NUAK1: variants seen among roughly 807,000 people sequenced by gnomAD.
NUAK1 encodes the protein NUAK family SNF1-like kinase 1.
NUAK1 carries 26 observed loss-of-function variants against 56.9 expected under a neutral mutation model. The ratio of observed to expected loss-of-function variants is 0.46; its 90% CI spans 0.33 to 0.63. The LOEUF (loss-of-function observed/expected upper bound fraction) is 0.63, where lower values mean the gene tolerates loss of function less well. Among genes scored for constraint, NUAK1 ranks in the 30% least tolerant of loss-of-function variants. The pLI, the probability that NUAK1 is intolerant of heterozygous loss-of-function variation, is 0.02. For missense variants in NUAK1, 727 were observed against 876.1 expected (o/e 0.83, Z 2.15); for synonymous variants, 337 against 336.0 (o/e 1.00, Z -0.03).
chr12:106,133,407 A>T (rs1174859985), intron 1 of NUAK1, among the ~76,000 whole-genome samples: 16 of 152,148 alleles, frequency 1.1e-4, no homozygotes, highest in Admixed American at 1.0e-3. Flanking sequence ...ACCATTAGCA[A>T]AGAACCACAC....
At chr12:106,079,484 G>T (rs763201781) in intron 4 of NUAK1, among the ~76,000 whole-genome samples, 1 of 152,146 alleles carries the variant, frequency 6.6e-6, no homozygotes, top group African/African-American at 2.4e-5. Context: ...ATCAGGGAAG[G>T]CTTCCTGGAA....
At chr12:106,123,866 C>G (rs944932617) in intron 1 of NUAK1, among the ~76,000 whole-genome samples, 1 of 152,098 alleles carries the variant, frequency 6.6e-6, no homozygotes, top group South Asian at 2.1e-4. Flanking sequence ...CCACTGGGCC[C>G]GAGACACTGC....
intron 2 of NUAK1, chr12:106,106,085 A>G: frequency 4.8e-6 from 1 of 208,656 alleles, no homozygotes; most frequent in Non-Finnish European, 9.6e-6. Context: ...TTGGTCACCC[A>G]GCAAACTGTC....
At chr12:106,107,459 C>G (rs1446824951) in intron 1 of NUAK1, among the ~76,000 whole-genome samples, 1 of 152,204 alleles carries the variant, frequency 6.6e-6, no homozygotes, top group Non-Finnish European at 1.5e-5. Context: ...GCCCACCAAT[C>G]AATTTGCTGC....
intron 6 of NUAK1, among the ~76,000 whole-genome samples, chr12:106,069,131 TAG>T (rs1230878753): frequency 6.6e-6 from 1 of 152,194 alleles, no homozygotes; most frequent in Non-Finnish European, 1.5e-5. Context: ...TGATTATCCA[TAG>T]AGTCTGTATT....
chr12:106,088,245 T>A (rs1187390551), intron 2 of NUAK1, among the ~76,000 whole-genome samples: 1 of 152,192 alleles, frequency 6.6e-6, no homozygotes, highest in Non-Finnish European at 1.5e-5. Flanking sequence ...AAATCCATCA[T>A]CACTCTTAAG....
Position 106,067,504 on chromosome 12 carries a change from A to C in NUAK1, c.1284T>G (p.Thr428=). Residue 428 remains threonine (T), a synonymous_variant, in exon 7 of 7, where the codon ACT becomes ACG. Transcript: ENST00000261402. This position sits in a 1 kb window ranked among gnomAD's most constrained non-coding sequence, Gnocchi z 6.0. The part of the protein sequence containing the change: ...EGVVGPALPS[T]FKMEQDLCRT... ...TGCACAAGTCCTGCTCCATCTTGAA[A>C]GTAGAGGGTAAGGCAGGACCAACTA... 6.2e-7 allele frequency: 1 copy of C among 1,614,168 alleles called. No individual in the cohort carries two copies. The highest frequency in any genetic ancestry group is 8.5e-7 in the Non-Finnish European group (1 of 1,180,020).
intron 2 of NUAK1, among the ~76,000 whole-genome samples, chr12:106,098,589 T>C (rs143317578): frequency 6.6e-6 from 1 of 152,248 alleles, no homozygotes; most frequent in African/African-American, 2.4e-5. Flanking sequence ...CATAAAGAGA[T>C]GCAATCTTGC....
At chr12:106,075,286 AACACACAC>A (rs370123170) in intron 4 of NUAK1, among the ~76,000 whole-genome samples, 25 of 134,008 alleles carry the variant, frequency 1.9e-4, no homozygotes, top group African/African-American at 6.5e-4. Flanking sequence ...AGTATTAATC[AACACACAC>A]ACACACACAC....
chr12:106,096,302 A>C (rs1036068713), intron 2 of NUAK1, among the ~76,000 whole-genome samples: 1 of 152,148 alleles, frequency 6.6e-6, no homozygotes, highest in Non-Finnish European at 1.5e-5. Flanking sequence ...TCTGATCTCC[A>C]GCCTCTAGAA....
In NUAK1 at chr12:106,074,101, C is replaced by G. The variant is rs565193221; in HGVS notation, c.580-1258G>C. ...CTTTCCCTACCAGACTCTGAGTTTCCTGAGGCAGTTGGCAGGTTCCACATC... is the reference window on the plus strand; with the variant it reads ...CTTTCCCTACCAGACTCTGAGTTTCGTGAGGCAGTTGGCAGGTTCCACATC... On this transcript the variant is annotated intron_variant, in intron 4 of 6. Transcript: ENST00000261402. 2.2e-4 allele frequency among the ~76,000 whole-genome samples: 33 copies of G among 152,214 alleles called. No individual in the cohort carries two copies. In the South Asian group the frequency reaches 6.6e-3, roughly 31 times the overall value.
chr12:106,067,990 T>A lies in NUAK1; in HGVS notation c.833-35A>T. The A allele has an allele frequency of 1.3e-6, 2 of 1,560,784 alleles. No homozygotes were observed. Among genetic ancestry groups the A allele is most frequent in the Non-Finnish European group, 1.7e-6 (2 of 1,151,766 alleles). Reference sequence around the variant, plus strand: ...AAGGGACAAAAAGAATCGGGCATTATGTGGGAGCTTCTGGCTTTGTGATAG... The same window carrying A: ...AAGGGACAAAAAGAATCGGGCATTAAGTGGGAGCTTCTGGCTTTGTGATAG... On this transcript the variant is annotated intron_variant, in intron 6 of 6. Transcript: ENST00000261402. This position sits in a 1 kb window ranked among gnomAD's most constrained non-coding sequence, Gnocchi z 6.0.
At chr12:106,080,385 T>A (rs1042455949) in intron 4 of NUAK1, among the ~76,000 whole-genome samples, 1 of 152,200 alleles carries the variant, frequency 6.6e-6, no homozygotes, top group Non-Finnish European at 1.5e-5. Flanking sequence ...TCTATGGGAA[T>A]TGTCAGCATT....
chr12:106,120,614 A>G (rs1394624809), intron 1 of NUAK1, among the ~76,000 whole-genome samples: 1 of 152,116 alleles, frequency 6.6e-6, no homozygotes, highest in African/African-American at 2.4e-5. Context: ...CTCCAAATGT[A>G]CTTCTGTAGT....
chr12:106,100,735 T>C (rs905229914), intron 2 of NUAK1, among the ~76,000 whole-genome samples: 1 of 152,242 alleles, frequency 6.6e-6, no homozygotes, highest in African/African-American at 2.4e-5. Context: ...CTCAAGATGA[T>C]GGCTTCCTTT....
At chr12:106,089,250 C>G (rs1461947631) in intron 2 of NUAK1, among the ~76,000 whole-genome samples, 1 of 152,216 alleles carries the variant, frequency 6.6e-6, no homozygotes, top group African/African-American at 2.4e-5. Flanking sequence ...AAGACTCACA[C>G]CCCAAAGAGT....
chr12:106,137,753 T>C (rs1191537230), intron 1 of NUAK1, among the ~76,000 whole-genome samples: 2 of 152,232 alleles, frequency 1.3e-5, no homozygotes, highest in Non-Finnish European at 2.9e-5. Flanking sequence ...CACAGCTATC[T>C]CTGTAGCTAC....
chr12:106,072,473 A>C (rs2032415898), intron 5 of NUAK1, among the ~76,000 whole-genome samples: 1 of 152,194 alleles, frequency 6.6e-6, no homozygotes, highest in South Asian at 2.1e-4. Flanking sequence ...AAAAGTCACT[A>C]GAGTTTTAAG....
chr12:106,085,599 C>T (rs1565920824), intron 3 of NUAK1, among the ~76,000 whole-genome samples: 1 of 152,100 alleles, frequency 6.6e-6, no homozygotes, highest in Non-Finnish European at 1.5e-5. Flanking sequence ...AAATTCATGG[C>T]CAAAGTGATG....
Sources: gnomAD v4.1 joint callset for allele counts (sites outside exome capture counted in the v4.1 genomes callset) on GRCh38, gnomAD v4.1.1 for gene constraint, Gnocchi (gnomAD v3.1) non-coding constraint, MANE v1.5 for transcripts, NCBI Gene and HGNC (gene_info 2026-07-23, HGNC 2026-07-21) for gene names.